The following HECW1 variants were observed in gnomAD, a reference collection of about 807,000 sequenced individuals.
The protein encoded by HECW1 is HECT, C2 and WW domain containing E3 ubiquitin protein ligase 1.
Under a neutral mutation model 182.3 loss-of-function variants are expected in HECW1, and 61 were observed. The observed-to-expected ratio is 0.33, with a 90% CI of 0.27 to 0.41. HECW1 has a LOEUF of 0.41. Ranked by LOEUF, HECW1 falls within the 10% of genes least tolerant of loss-of-function variation. The pLI is 1.00. For synonymous variants in HECW1, 859 were observed against 832.6 expected, an observed-to-expected ratio of 1.03 and a Z score of -0.55; for missense variants, 1,739 against 2,108.9, an observed-to-expected ratio of 0.82 and a Z score of 3.44.
chr7:43,274,201 T>A, intron 3 of HECW1: 1 of 525,224 alleles, frequency 1.9e-6, no homozygotes, highest in Non-Finnish European at 3.3e-6. Flanking sequence ...GGTGGTGGTC[T>A]CTCTTTGCCC....
intron 16 of HECW1, among the ~76,000 whole-genome samples, chr7:43,472,171 A>G (rs2078047624): frequency 6.6e-6 from 1 of 152,220 alleles, no homozygotes; most frequent in South Asian, 2.1e-4. Flanking sequence ...ATGGCGTATG[A>G]ACACGGAAAC....
chr7:43,461,552 T>G (rs145227701), intron 13 of HECW1, among the ~76,000 whole-genome samples: 29 of 152,300 alleles, frequency 1.9e-4, no homozygotes, highest in African/African-American at 6.7e-4. Context: ...TTGGTCAAGG[T>G]CACACACTTG....
intron 2 of HECW1, among the ~76,000 whole-genome samples, chr7:43,235,427 A>C (rs1173462159): frequency 1.3e-5 from 2 of 152,236 alleles, no homozygotes; most frequent in African/African-American, 4.8e-5. Flanking sequence ...ATTATTCTTT[A>C]AAACTGCGGA....
chr7:43,499,229 G>C (rs779616595), intron 19 of HECW1, among the ~76,000 whole-genome samples: 1 of 152,142 alleles, frequency 6.6e-6, no homozygotes, highest in Non-Finnish European at 1.5e-5. Context: ...GCTTCAGTGA[G>C]CTGTGATCAG....
intron 2 of HECW1, among the ~76,000 whole-genome samples, chr7:43,168,129 A>T (rs1175477353): frequency 1.3e-5 from 2 of 152,142 alleles, no homozygotes; most frequent in East Asian, 3.8e-4. Context: ...TCGTGAGGAG[A>T]GGGACTGGAC....
intron 19 of HECW1, among the ~76,000 whole-genome samples, chr7:43,495,612 T>C (rs2079089261): frequency 6.6e-6 from 1 of 152,158 alleles, no homozygotes; most frequent in Non-Finnish European, 1.5e-5. Flanking sequence ...ACCAATTACT[T>C]TTAGAGTGAA....
chr7:43,145,205 A>G (rs1788569971), intron 2 of HECW1, among the ~76,000 whole-genome samples: 2 of 152,178 alleles, frequency 1.3e-5, no homozygotes, highest in African/African-American at 2.4e-5. Context: ...GTTAAGCTGT[A>G]TGAACTCAAT....
intron 6 of HECW1, among the ~76,000 whole-genome samples, chr7:43,367,437 G>C (rs1471065076): frequency 6.6e-6 from 1 of 152,214 alleles, no homozygotes; most frequent in Non-Finnish European, 1.5e-5. Context: ...AGGGAAGCAA[G>C]ACGTCTGAAG....
At chr7:43,442,397 T>C (rs2076916350) in intron 9 of HECW1, 132 bp from the exon 10 acceptor site, 3 of 633,034 alleles carry the variant, frequency 4.7e-6, no homozygotes, top group South Asian at 3.7e-5. Flanking sequence ...CCTTACAGTT[T>C]TGTATTGCTG....
At chr7:43,419,744 G>T (rs1009243138) in intron 8 of HECW1, among the ~76,000 whole-genome samples, 2 of 152,192 alleles carry the variant, frequency 1.3e-5, no homozygotes, top group African/African-American at 4.8e-5. Flanking sequence ...ATGCCGTAAA[G>T]AAATAGCATT....
At chr7:43,340,775 G>A (rs1183522187) in intron 5 of HECW1, among the ~76,000 whole-genome samples, 2 of 151,668 alleles carry the variant, frequency 1.3e-5, no homozygotes, top group Non-Finnish European at 2.9e-5. Context: ...TCTAGAACTA[G>A]AAATACCATT....
chr7:43,211,705 G>A (rs6943440), intron 2 of HECW1, among the ~76,000 whole-genome samples: 109,705 of 152,136 alleles, frequency 0.72, 40,116 homozygotes, highest in African/African-American at 0.76. Context: ...CTCAAATTTT[G>A]CCTGTGCATT....
At chr7:43,484,121 A>G (rs1312277425) in intron 17 of HECW1, 2 of 152,210 alleles carry the variant, frequency 1.3e-5, no homozygotes, top group Non-Finnish European at 2.9e-5. Context: ...AGTATCAATC[A>G]TTGTTCATTC....
intron 2 of HECW1, among the ~76,000 whole-genome samples, chr7:43,119,702 A>G (rs1785393252): frequency 7.8e-6 from 1 of 127,764 alleles, no homozygotes; most frequent in Non-Finnish European, 1.6e-5. Context: ...TGCTCCCTAA[A>G]CGTGCTTCTC....
intron 23 of HECW1, among the ~76,000 whole-genome samples, chr7:43,508,403 G>A (rs188486235): frequency 6.6e-6 from 1 of 152,268 alleles, no homozygotes; most frequent in East Asian, 1.9e-4. Context: ...TTTAGGTGGT[G>A]TACCCCTCTG....
At chr7:43,215,279 G>T (rs1796342222) in intron 2 of HECW1, among the ~76,000 whole-genome samples, 1 of 152,200 alleles carries the variant, frequency 6.6e-6, no homozygotes, top group African/African-American at 2.4e-5. Context: ...ACCTTGCAAG[G>T]GTCGGTTGTC....
intron 2 of HECW1, among the ~76,000 whole-genome samples, chr7:43,194,752 G>A (rs1316104476): frequency 1.3e-5 from 2 of 151,262 alleles, no homozygotes; most frequent in Non-Finnish European, 2.9e-5. Flanking sequence ...GGAGTGCAAT[G>A]GCACGATCTC....
At chr7:43,520,723 G>A (rs1031224181) in intron 24 of HECW1, among the ~76,000 whole-genome samples, 2 of 151,974 alleles carry the variant, frequency 1.3e-5, no homozygotes, top group Admixed American at 1.3e-4. Context: ...TAGAACAGAC[G>A]AAAGTGAAGC....
At chr7:43,456,524 C>A in intron 13 of HECW1, 77 bp downstream of exon 13, 1 of 1,426,002 alleles carries the variant, frequency 7.0e-7, no homozygotes, top group Non-Finnish European at 9.6e-7. Context: ...TCCCCTTACA[C>A]TTTTCTGCTC....
Sources: gnomAD v4.1 joint callset for allele counts (sites outside exome capture counted in the v4.1 genomes callset) on GRCh38, gnomAD v4.1.1 for gene constraint, MANE v1.5 for transcripts, NCBI Gene and HGNC (gene_info 2026-07-23, HGNC 2026-07-21) for gene names.